The following ATCAY variants were observed in gnomAD, a reference collection of about 807,000 sequenced individuals.
ATCAY encodes the protein caytaxin.
Under a neutral mutation model 47.7 loss-of-function variants are expected in ATCAY, and 22 were observed. The observed-to-expected ratio is 0.46, with a 90% CI of 0.33 to 0.66. The LOEUF (loss-of-function observed/expected upper bound fraction) is 0.66. ATCAY is among the 30% of genes least tolerant of loss of function. The pLI is 0.02. For synonymous variants in ATCAY, 216 were observed against 207.6 expected (o/e 1.04, Z -0.35); for missense variants, 452 against 515.0 (o/e 0.88, Z 1.18).
At position 3,907,678 on chromosome 19, in the gene ATCAY, G is replaced by A. The variant is rs2038874444; in HGVS notation, c.359-56G>A. 1 of 1,599,698 alleles carries A rather than the reference G, an allele frequency of 6.3e-7. No individual in the cohort carries two copies. The highest frequency in any genetic ancestry group is 8.5e-7 in the Non-Finnish European group (1 of 1,170,886). On this transcript the variant is annotated intron_variant, in intron 4 of 12. Coordinates refer to ENST00000450849, the MANE Select transcript of ATCAY (RefSeq NM_033064.5). This position sits in a 1 kb window ranked among gnomAD's most constrained non-coding sequence, Gnocchi z 5.1. The stretch of plus-strand genomic sequence containing the variant: ...AGAGGGGAAGGAAGGCTGAGCAGGA[G>A]GGCAGGAGATATCCGGACTCTGGCG...
At chr19:3,886,064 A>G (rs1215186934) in intron 2 of ATCAY, among the ~76,000 whole-genome samples, 1 of 152,100 alleles carries the variant, frequency 6.6e-6, no homozygotes, top group Non-Finnish European at 1.5e-5. Context: ...CAGGCACATA[A>G]TGGGTATTTG....
intron 2 of ATCAY, among the ~76,000 whole-genome samples, chr19:3,897,846 T>G (rs144578243): frequency 0.022 from 3,326 of 152,142 alleles, 144 homozygotes; most frequent in African/African-American, 0.077. Context: ...AGATGGAGGT[T>G]GCAGTGAGCC....
chr19:3,923,821 T>G (rs2039041144), intron 12 of ATCAY, among the ~76,000 whole-genome samples: 1 of 139,892 alleles, frequency 7.1e-6, no homozygotes, highest in Admixed American at 7.1e-5. Flanking sequence ...GATGGATGAA[T>G]GGATGGGTGG....
chr19:3,896,808 G>A lies in ATCAY; in HGVS notation c.78-5679G>A, dbSNP rs533299189. Among the ~76,000 whole-genome samples the A allele has an allele frequency of 9.3e-5, 14 of 151,156 alleles. No individual in the cohort carries two copies. The East Asian group carries it at 1.6e-3, about 17-fold the overall frequency. ...TTTGTTTGTTTTGAGACGGAGTCTC[G>A]CTCTGTTGCCCAGGCTGGAGTGCAG... is the stretch of plus-strand genomic sequence containing the variant. On this transcript the variant is annotated intron_variant, in intron 2 of 12. Coordinates refer to ENST00000450849, the MANE Select transcript of ATCAY (RefSeq NM_033064.5).
rs775043103 is a variant in ATCAY, at chr19:3,913,836, G to A, written c.945G>A (p.Gln315=). 3 of 1,613,748 alleles carry A rather than the reference G, an allele frequency of 1.9e-6. No individual in the cohort carries two copies. Among genetic ancestry groups the A allele is most frequent in the Non-Finnish European group, 1.7e-6 (2 of 1,179,800 alleles). The change falls in exon 9 of 13, where the codon CAG becomes CAA. Residue 315 remains glutamine, a synonymous_variant. Transcript: ENST00000450849. Reference sequence around the variant, plus strand: ...AACTCATCCCTATGGAACACGTCCAGATCCCAGACTGCGTCCTGCAGTGAG... The same window carrying A: ...AACTCATCCCTATGGAACACGTCCAAATCCCAGACTGCGTCCTGCAGTGAG... ...LEQLIPMEHV[Q]IPDCVLQYEE... is the part of the protein sequence containing the mutation.
intron 4 of ATCAY, among the ~76,000 whole-genome samples, 157 bp downstream of exon 4, chr19:3,905,812 G>C (rs746352871): frequency 1.3e-5 from 2 of 151,924 alleles, no homozygotes; most frequent in Non-Finnish European, 2.9e-5. Context: ...AGTGAGACGT[G>C]ATCATGCCAC....
In ATCAY at chr19:3,918,886, G is replaced by A. The variant is rs771324664; in HGVS notation, c.1073+9G>A. Reference sequence around the variant, plus strand: ...GCACCAGTGGAAAACAGGTAGGTGTGCAGGGGACCATGGGCAGAGAGCTGA... The same window carrying A: ...GCACCAGTGGAAAACAGGTAGGTGTACAGGGGACCATGGGCAGAGAGCTGA... On this transcript the variant is annotated intron_variant, in intron 11 of 12. Coordinates refer to ENST00000450849, the MANE Select transcript of ATCAY (RefSeq NM_033064.5). 13 of 1,613,948 alleles carry A rather than the reference G, an allele frequency of 8.1e-6. No individual in the cohort carries two copies. The Middle Eastern group carries it at 4.9e-4, about 61-fold the overall frequency.
intron 2 of ATCAY, among the ~76,000 whole-genome samples, 172 bp from the exon 3 acceptor site, chr19:3,902,315 C>G (rs2038822480): frequency 1.3e-5 from 2 of 152,170 alleles, no homozygotes; most frequent in South Asian, 2.1e-4. Flanking sequence ...CAGTGAGGCT[C>G]TGTCTCCAAA....
chr19:3,897,703 T>A (rs1467401193), intron 2 of ATCAY, among the ~76,000 whole-genome samples: 1 of 151,644 alleles, frequency 6.6e-6, no homozygotes, highest in Non-Finnish European at 1.5e-5. Flanking sequence ...AGCTCAGGAG[T>A]TCGAGACCAG....
Position 3,909,528 on chromosome 19 carries a change from C to A in ATCAY, c.690C>A (p.Tyr230Ter). The A allele has an allele frequency of 1.2e-6, 2 of 1,613,882 alleles. No homozygotes were observed. Among genetic ancestry groups the A allele is most frequent in the Non-Finnish European group, 1.7e-6 (2 of 1,179,858 alleles). Residue 230 changes from tyrosine to a stop codon, truncating the protein, a stop_gained, in exon 7 of 13, where the codon TAC becomes TAA. Coordinates refer to ENST00000450849, the MANE Select transcript of ATCAY (RefSeq NM_033064.5). LOFTEE classifies it high-confidence loss of function. ...SSLELLVAED[Y>*]MIVYLNGATP... ...TAGAGCTCCTGGTGGCTGAGGACTACATGATCGTGTACCTGAACGGTGCCA... is the reference window on the plus strand; with the variant it reads ...TAGAGCTCCTGGTGGCTGAGGACTAAATGATCGTGTACCTGAACGGTGCCA...
At chr19:3,916,853 G>A (rs553881478) in intron 9 of ATCAY, among the ~76,000 whole-genome samples, 56 of 151,472 alleles carry the variant, frequency 3.7e-4, no homozygotes, top group Non-Finnish European at 6.8e-4. Context: ...TGTTGCCTAC[G>A]CTGGAACGCA....
intron 1 of ATCAY, among the ~76,000 whole-genome samples, chr19:3,885,135 A>C (rs1224216776): frequency 6.8e-6 from 1 of 148,102 alleles, no homozygotes; most frequent in African/African-American, 2.5e-5. Context: ...AAAAAAAAAA[A>C]CAGCCAAGCT....
intron 4 of ATCAY, 106 bp downstream of exon 4, chr19:3,905,761 C>T: frequency 9.8e-7 from 1 of 1,018,970 alleles, no homozygotes; most frequent in Non-Finnish European, 1.4e-6. Context: ...GGGGCAGGGG[C>T]TCTAAGCAGT....
intron 1 of ATCAY, among the ~76,000 whole-genome samples, chr19:3,882,862 G>T (rs566325561): frequency 6.6e-6 from 1 of 152,064 alleles, no homozygotes; most frequent in Non-Finnish European, 1.5e-5. Flanking sequence ...TGTTGCCCAG[G>T]CTGGTCTTGA....
At chr19:3,917,925 T>A in intron 10 of ATCAY, 148 bp downstream of exon 10, 2 of 778,032 alleles carry the variant, frequency 2.6e-6, no homozygotes, top group Non-Finnish European at 3.8e-6. Context: ...GCAAGGACTT[T>A]AAACTCAGAC....
chr19:3,893,786 A>G (rs753544941), intron 2 of ATCAY: 1 of 152,212 alleles, frequency 6.6e-6, no homozygotes, highest in African/African-American at 2.4e-5. Flanking sequence ...CTGAACATCC[A>G]CTGCAACTGG....
chr19:3,908,491 G>A (rs529080098), intron 6 of ATCAY, 121 bp downstream of exon 6: 8 of 927,068 alleles, frequency 8.6e-6, no homozygotes, highest in African/African-American at 6.5e-5. Context: ...CCAGGGAAGG[G>A]CGTGGTGGCC....
intron 2 of ATCAY, among the ~76,000 whole-genome samples, chr19:3,887,479 TTTTATTTA>T (rs201407506): frequency 6.8e-6 from 1 of 147,422 alleles, no homozygotes; most frequent in Non-Finnish European, 1.5e-5. Context: ...ATTTTTTTTA[TTTTATTTA>T]TTTATTTATT....
At chr19:3,896,516 C>T (rs969582206) in intron 2 of ATCAY, among the ~76,000 whole-genome samples, 6 of 151,518 alleles carry the variant, frequency 4.0e-5, no homozygotes, top group African/African-American at 1.5e-4. Flanking sequence ...ATCCACCTGC[C>T]TCGGCCTCCC....
Sources: allele counts gnomAD v4.1 joint callset (sites outside exome capture counted in the v4.1 genomes callset), GRCh38; gene constraint gnomAD v4.1.1; non-coding constraint Gnocchi (gnomAD v3.1); transcripts MANE v1.5; gene names NCBI Gene and HGNC (gene_info 2026-07-23, HGNC 2026-07-21).